Variants in SGIP1 observed in about 807,000 individuals in gnomAD.
SGIP1 encodes the protein SH3-containing GRB2-like protein 3-interacting protein 1.
Under a neutral mutation model 107.5 loss-of-function variants are expected in SGIP1, and 38 were observed. The observed-to-expected ratio is 0.35, with a 90% CI of 0.27 to 0.46. The LOEUF (loss-of-function observed/expected upper bound fraction) is 0.46, where lower values mean the gene tolerates loss of function less well. Among genes scored for constraint, SGIP1 ranks in the 20% least tolerant of loss-of-function variants. The pLI, the probability that SGIP1 is intolerant of heterozygous loss-of-function variation, is 1.00. For synonymous variants in SGIP1, 365 were observed against 366.1 expected (o/e 1.00, Z 0.03); for missense variants, 929 against 1,019.5 (o/e 0.91, Z 1.21).
chr1:66,710,011 T>C (rs958250721), intron 18 of SGIP1, among the ~76,000 whole-genome samples: 3 of 151,800 alleles, frequency 2.0e-5, no homozygotes, highest in Non-Finnish European at 2.9e-5. Flanking sequence ...ATATTTTATA[T>C]AATCTAAGCC....
chr1:66,626,302 T>C lies in SGIP1; in HGVS notation c.74+392T>C, dbSNP rs149234965. On this transcript the variant is annotated intron_variant, in intron 2 of 24. Transcript: ENST00000371037. ...CAACAAAACACCTGTTTGGATAGAT[T>C]AGACCTAGCCAGAAACAGAAATGTA... Among the ~76,000 whole-genome samples the C allele has an allele frequency of 7.1e-3, 1,075 of 152,212 alleles. 19 individuals are homozygous for C. Among genetic ancestry groups the C allele is most frequent in the African/African-American group, 0.024 (1,006 of 41,536 alleles).
At chr1:66,577,058 A>T (rs1379861570) in intron 1 of SGIP1, among the ~76,000 whole-genome samples, 1 of 152,174 alleles carries the variant, frequency 6.6e-6, no homozygotes, top group Non-Finnish European at 1.5e-5. Flanking sequence ...AGTGCATTGG[A>T]ACCCAGTGTC....
At chr1:66,548,307 T>A (rs1399974506) in intron 1 of SGIP1, among the ~76,000 whole-genome samples, 1 of 152,116 alleles carries the variant, frequency 6.6e-6, no homozygotes, top group Non-Finnish European at 1.5e-5. Flanking sequence ...TTTATTTAAA[T>A]TTTATGTTTA....
At chr1:66,578,160 A>G (rs2061337617) in intron 1 of SGIP1, among the ~76,000 whole-genome samples, 1 of 152,140 alleles carries the variant, frequency 6.6e-6, no homozygotes, top group Admixed American at 6.6e-5. Flanking sequence ...ATGTCATGTA[A>G]TAATAGTTCC....
intron 1 of SGIP1, among the ~76,000 whole-genome samples, chr1:66,608,910 T>C (rs2067371332): frequency 6.7e-6 from 1 of 150,086 alleles, no homozygotes; most frequent in South Asian, 2.1e-4. Context: ...TTTACAAGTG[T>C]AGATTAGCAA....
At position 66,623,309 on chromosome 1, in the gene SGIP1, G is replaced by A. The variant is rs1335427578; in HGVS notation, c.11-2538G>A. Among the ~76,000 whole-genome samples, 3 of 151,940 alleles carry A rather than the reference G, an allele frequency of 2.0e-5. No homozygotes were observed. The East Asian group carries it at 5.8e-4, about 29-fold the overall frequency. Reference sequence around the variant, plus strand: ...CTGTCACCCAGGCTGGAGTGCAATGGCCTGATCTTGACTCACTACAACCTC... The same window carrying A: ...CTGTCACCCAGGCTGGAGTGCAATGACCTGATCTTGACTCACTACAACCTC... On this transcript the variant is annotated intron_variant, in intron 1 of 24. Transcript: ENST00000371037.
chr1:66,671,828 T>A, intron 10 of SGIP1, 116 bp from the exon 11 acceptor site: 2 of 945,302 alleles, frequency 2.1e-6, no homozygotes, highest in Non-Finnish European at 3.3e-6. Flanking sequence ...AAAGTTTTCA[T>A]ACTGAGTTGC....
At chr1:66,671,839 T>G in intron 10 of SGIP1, 105 bp from the exon 11 acceptor site, 2 of 1,061,770 alleles carry the variant, frequency 1.9e-6, no homozygotes, top group Non-Finnish European at 2.8e-6. Flanking sequence ...ACTGAGTTGC[T>G]TATTGATGGG....
intron 7 of SGIP1, among the ~76,000 whole-genome samples, chr1:66,655,555 A>C (rs1343794658): frequency 6.6e-6 from 1 of 152,196 alleles, no homozygotes; most frequent in South Asian, 2.1e-4. Context: ...CACAGAGTGC[A>C]CTTACACAAA....
chr1:66,620,775 A>C (rs978521937), intron 1 of SGIP1, among the ~76,000 whole-genome samples: 1 of 152,204 alleles, frequency 6.6e-6, no homozygotes. Context: ...CAATTTGGCC[A>C]AGAGTTTCAT....
chr1:66,539,804 T>G (rs764381571), intron 1 of SGIP1, among the ~76,000 whole-genome samples: 4 of 152,194 alleles, frequency 2.6e-5, no homozygotes, highest in African/African-American at 4.8e-5. Context: ...CTATCATCCT[T>G]GTCATCTCAA....
At position 66,673,345 on chromosome 1, in the gene SGIP1, T is replaced by G; in HGVS notation, c.625T>G (p.Phe209Val). The change falls in exon 12 of 25, where the codon TTT becomes GTT. Residue 209 changes from phenylalanine (F) to valine (V), a missense_variant. Phe to Val is a conservative substitution (Grantham distance 50). Transcript: ENST00000371037. ...PLFGPPLESA[F>V]DEQKTEVLLD... is the part of the protein sequence containing the mutation. ...CTTTGGCCCACCACTAGAATCAGCT[T>G]TTGATGAACAGAAGACAGAAGGTAG... The G allele has an allele frequency of 6.2e-7, 1 of 1,611,506 alleles. No homozygotes were observed. The highest frequency in any genetic ancestry group is 8.5e-7 in the Non-Finnish European group (1 of 1,179,448).
chr1:66,745,058 A>G lies in SGIP1; in HGVS notation c.*1963A>G, dbSNP rs1373717519. The G allele has an allele frequency of 1.3e-5, 2 of 152,504 alleles. No homozygotes were observed. The highest frequency in any genetic ancestry group is 2.9e-5 in the Non-Finnish European group (2 of 67,930). 9.4% of individuals were successfully genotyped at this position (152,504 alleles called of 1,614,324 possible). On this transcript the variant is annotated 3_prime_UTR_variant, in exon 25 of 25. Transcript: ENST00000371037. ...CATTTAAAAAATTGAATATTAATACAAAGCATATTAAAAACATGTAAATAT... is the reference window on the plus strand; with the variant it reads ...CATTTAAAAAATTGAATATTAATACGAAGCATATTAAAAACATGTAAATAT...
chr1:66,740,461 A>G (rs1363181346), intron 22 of SGIP1, among the ~76,000 whole-genome samples, 197 bp from the exon 23 acceptor site: 1 of 152,196 alleles, frequency 6.6e-6, no homozygotes, highest in African/African-American at 2.4e-5. Flanking sequence ...TGTTCTAGCT[A>G]GTTACAATAA....
intron 1 of SGIP1, among the ~76,000 whole-genome samples, chr1:66,612,380 T>C (rs1360629706): frequency 6.6e-6 from 1 of 152,232 alleles, no homozygotes; most frequent in Non-Finnish European, 1.5e-5. Context: ...ATCCAAACTA[T>C]AACAGAAGGA....
At chr1:66,543,439 GA>G in intron 1 of SGIP1, among the ~76,000 whole-genome samples, 1 of 152,268 alleles carries the variant, frequency 6.6e-6, no homozygotes, top group South Asian at 2.1e-4. Context: ...CAAATGAAAA[GA>G]CTTACCTAAG....
At chr1:66,633,130 G>T (rs2075123527) in intron 3 of SGIP1, 36 bp downstream of exon 3, 5 of 1,388,160 alleles carry the variant, frequency 3.6e-6, no homozygotes, top group Admixed American at 3.4e-5. Flanking sequence ...CTGAGTTTGT[G>T]CTTCAATATA....
intron 21 of SGIP1, among the ~76,000 whole-genome samples, chr1:66,736,421 T>G (rs1443149410): frequency 9.5e-6 from 1 of 105,146 alleles, no homozygotes. Context: ...GAATATAATA[T>G]ATTGCGTATT....
intron 1 of SGIP1, among the ~76,000 whole-genome samples, chr1:66,603,644 A>G (rs1333696088): frequency 6.6e-6 from 1 of 152,156 alleles, no homozygotes; most frequent in African/African-American, 2.4e-5. Flanking sequence ...CTTAATATAA[A>G]TTCTCAGGGT....
Sources: allele counts gnomAD v4.1 joint callset (sites outside exome capture counted in the v4.1 genomes callset), GRCh38; gene constraint gnomAD v4.1.1; transcripts MANE v1.5; gene names NCBI Gene and HGNC (gene_info 2026-07-23, HGNC 2026-07-21).